FLVCR1: variants seen among roughly 807,000 people sequenced by gnomAD.
FLVCR1 encodes the protein choline/ethanolamine transporter FLVCR1.
In FLVCR1, 34 loss-of-function variants were observed where a neutral mutation model predicts 53.6. The ratio of observed to expected loss-of-function variants is 0.63; its 90% CI spans 0.48 to 0.84. The LOEUF (loss-of-function observed/expected upper bound fraction) is 0.84. Among genes scored for constraint, FLVCR1 ranks in the 40% least tolerant of loss-of-function variants. The pLI, the probability that FLVCR1 is intolerant of heterozygous loss-of-function variation, is 0.00. For synonymous variants in FLVCR1, 300 were observed against 286.3 expected, an observed-to-expected ratio of 1.05 and a Z score of -0.48; for missense variants, 677 against 696.7, an observed-to-expected ratio of 0.97 and a Z score of 0.32.
At chr1:212,862,971 A>T (rs552624866) in intron 1 of FLVCR1, among the ~76,000 whole-genome samples, 1 of 152,190 alleles carries the variant, frequency 6.6e-6, no homozygotes, top group Non-Finnish European at 1.5e-5. Flanking sequence ...AGAAATGTCT[A>T]TTCAAGTCTT....
At chr1:212,873,747 A>G (rs1334630131) in intron 3 of FLVCR1, among the ~76,000 whole-genome samples, 1 of 152,148 alleles carries the variant, frequency 6.6e-6, no homozygotes, top group African/African-American at 2.4e-5. Context: ...GAAATCACTC[A>G]CTGCTATTCT....
intron 1 of FLVCR1, among the ~76,000 whole-genome samples, chr1:212,863,310 G>C (rs1664301692): frequency 6.6e-6 from 1 of 152,170 alleles, no homozygotes; most frequent in Non-Finnish European, 1.5e-5. Context: ...TAGTAGTTTA[G>C]GCTGGGTGCA....
At chr1:212,866,896 T>C (rs1664451981) in intron 2 of FLVCR1, among the ~76,000 whole-genome samples, 2 of 152,222 alleles carry the variant, frequency 1.3e-5, no homozygotes, top group African/African-American at 2.4e-5. Context: ...ATGAAAGTCT[T>C]AAGTTGAAAA....
chr1:212,887,082 A>T (rs757947940), intron 5 of FLVCR1, among the ~76,000 whole-genome samples: 5 of 152,230 alleles, frequency 3.3e-5, no homozygotes, highest in Non-Finnish European at 7.3e-5. Flanking sequence ...TATATTTGAT[A>T]TTATTAGTCT....
chr1:212,886,042 C>CTTTTTTTTTTTT (rs5780703), intron 5 of FLVCR1, among the ~76,000 whole-genome samples: 14 of 121,158 alleles, frequency 1.2e-4, no homozygotes, highest in African/African-American at 2.9e-4. Flanking sequence ...TTATCTTGTT[C>CTTTTTTTTTTTT]TTTTTTTTTT....
Position 212,858,521 on chromosome 1 carries a change from C to T in FLVCR1, c.69C>T (p.Leu23=), listed in dbSNP as rs374379789. The change falls in exon 1 of 10, where the codon CTC becomes CTT. Residue 23 remains leucine, a synonymous_variant. Coordinates refer to ENST00000366971, the MANE Select transcript of FLVCR1 (RefSeq NM_014053.4). The part of the protein sequence containing the change: ...APGHPLAKGY[L]PLPRGAPVGK... The stretch of plus-strand genomic sequence containing the variant: ...GACACCCGCTCGCGAAAGGATACCT[C>T]CCGTTGCCGAGGGGCGCGCCCGTTG... 4.6e-5 allele frequency: 67 copies of T among 1,459,146 alleles called. No homozygotes were observed. The highest frequency in any genetic ancestry group is 4.3e-4 in the African/African-American group (30 of 70,314). The allele number at this position is 1,459,146 out of a possible 1,614,324, so 90.4% of individuals were successfully genotyped here.
At chr1:212,893,098 C>A (rs1381835364) in intron 8 of FLVCR1, among the ~76,000 whole-genome samples, 1 of 151,528 alleles carries the variant, frequency 6.6e-6, no homozygotes, top group Non-Finnish European at 1.5e-5. Context: ...CTGTGTTGCC[C>A]AGGCTGGAGT....
chr1:212,865,662 A>G (rs544853670), intron 2 of FLVCR1, among the ~76,000 whole-genome samples: 52 of 151,328 alleles, frequency 3.4e-4, no homozygotes, highest in African/African-American at 1.2e-3. Context: ...TTGTATTTTC[A>G]GTAGAGACAG....
At chr1:212,886,387 A>T (rs1438234409) in intron 5 of FLVCR1, among the ~76,000 whole-genome samples, 1 of 152,226 alleles carries the variant, frequency 6.6e-6, no homozygotes. Flanking sequence ...ACAAAAACAA[A>T]AAAGTAGTTC....
intron 3 of FLVCR1, among the ~76,000 whole-genome samples, chr1:212,875,230 G>A (rs1329299795): frequency 6.6e-6 from 1 of 152,160 alleles, no homozygotes; most frequent in East Asian, 1.9e-4. Flanking sequence ...TAATTGGGGA[G>A]ATAATATAAA....
Position 212,858,624 on chromosome 1 carries a change from G to A in FLVCR1, c.172G>A (p.Ala58Thr). The A allele has an allele frequency of 6.5e-7, 1 of 1,531,012 alleles. No homozygotes were observed. The allele number at this position is 1,531,012 out of a possible 1,614,324, so 94.8% of individuals were successfully genotyped here. Residue 58 changes from alanine (A) to threonine (T), a missense_variant, in exon 1 of 10, where the codon GCT becomes ACT. Ala to Thr is a moderately conservative substitution (Grantham distance 58, BLOSUM62 0). Coordinates refer to ENST00000366971, the MANE Select transcript of FLVCR1 (RefSeq NM_014053.4). ...PVNGAPRDSL[A>T]AASGVLGGPQ... ...GAATGGGGCCCCCCGGGACAGCCTC[G>A]CTGCCGCCTCGGGAGTTCTGGGCGG...
At chr1:212,875,667 C>T (rs1664733256) in intron 3 of FLVCR1, among the ~76,000 whole-genome samples, 1 of 151,862 alleles carries the variant, frequency 6.6e-6, no homozygotes, top group South Asian at 2.1e-4. Context: ...TGGCAAAACC[C>T]CATGTTTACT....
At chr1:212,888,203 T>TA in intron 6 of FLVCR1, among the ~76,000 whole-genome samples, 1 of 152,290 alleles carries the variant, frequency 6.6e-6, no homozygotes, top group Non-Finnish European at 1.5e-5. Context: ...ATACCATAGG[T>TA]AAAAAATGGA....
At chr1:212,870,622 T>TAA (rs535383715) in intron 2 of FLVCR1, among the ~76,000 whole-genome samples, 2 of 151,518 alleles carry the variant, frequency 1.3e-5, no homozygotes, top group East Asian at 3.8e-4. Context: ...AATAGCCAAT[T>TAA]AAAAAAAAAT....
At chr1:212,865,607 C>G (rs1027578056) in intron 2 of FLVCR1, among the ~76,000 whole-genome samples, 1 of 151,040 alleles carries the variant, frequency 6.6e-6, no homozygotes, top group African/African-American at 2.4e-5. Flanking sequence ...CTCAGCCTCC[C>G]GAGCAGCTGG....
intron 5 of FLVCR1, among the ~76,000 whole-genome samples, chr1:212,886,785 G>C (rs1256030795): frequency 3.3e-5 from 5 of 151,994 alleles, no homozygotes; most frequent in Non-Finnish European, 5.9e-5. Flanking sequence ...CTGGGTGACA[G>C]AGCAAGACGC....
chr1:212,895,772 C>T lies in FLVCR1; in HGVS notation c.*482C>T, dbSNP rs200380367. The T allele has an allele frequency of 5.6e-6, 1 of 179,762 alleles. No individual in the cohort carries two copies. The highest frequency in any genetic ancestry group is 1.2e-5 in the Non-Finnish European group (1 of 84,820). 11.1% of individuals were successfully genotyped at this position (179,762 alleles called of 1,614,324 possible). The stretch of plus-strand genomic sequence containing the variant: ...TTTTTCACTGTGCTGACCAGCTGTT[C>T]AAGCCACTTCAGTTTGAGTACAACA... On this transcript the variant is annotated 3_prime_UTR_variant, in exon 10 of 10. Transcript: ENST00000366971.
At chr1:212,885,553 T>A in intron 5 of FLVCR1, 157 bp downstream of exon 5, 1 of 390,456 alleles carries the variant, frequency 2.6e-6, no homozygotes, top group East Asian at 5.0e-5. Context: ...AGTGTTTCTT[T>A]TTTTTTTTTT....
At chr1:212,895,173 T>C (rs779633089) in intron 9 of FLVCR1, 43 bp from the exon 10 acceptor site, 1 of 1,481,292 alleles carries the variant, frequency 6.8e-7, no homozygotes, top group South Asian at 1.1e-5. Flanking sequence ...TAATAGGATA[T>C]GCCAGATGCT....
Sources: allele counts gnomAD v4.1 joint callset (sites outside exome capture counted in the v4.1 genomes callset), GRCh38; gene constraint gnomAD v4.1.1; transcripts MANE v1.5; gene names NCBI Gene and HGNC (gene_info 2026-07-23, HGNC 2026-07-21).